The following EYS variants were observed in gnomAD, a reference collection of about 807,000 sequenced individuals.
The protein encoded by EYS is EGF-like photoreceptor maintenance factor.
EYS carries 250 observed loss-of-function variants against 282.1 expected under a neutral mutation model. The ratio of observed to expected loss-of-function variants is 0.89; its 90% CI spans 0.80 to 0.98. The LOEUF (loss-of-function observed/expected upper bound fraction) is 0.98, where lower values mean the gene tolerates loss of function less well. Among genes scored for constraint, EYS ranks in the 50% least tolerant of loss-of-function variants. The pLI, the probability that EYS is intolerant of heterozygous loss-of-function variation, is 0.00. For synonymous variants in EYS, 1,355 were observed against 1,282.9 expected, an observed-to-expected ratio of 1.06 and a Z score of -1.20; for missense variants, 4,016 against 3,709.0, an observed-to-expected ratio of 1.08 and a Z score of -2.15.
intron 26 of EYS, among the ~76,000 whole-genome samples, chr6:64,553,345 A>G (rs1057133848): frequency 1.2e-4 from 19 of 152,158 alleles, no homozygotes. Context: ...TTTTACACTG[A>G]CAGGATTATA....
intron 31 of EYS, among the ~76,000 whole-genome samples, chr6:64,202,207 T>C (rs1179474432): frequency 3.3e-5 from 5 of 152,202 alleles, no homozygotes; most frequent in African/African-American, 1.2e-4. Flanking sequence ...CCTTTGTTGG[T>C]TTCTTTCATA....
chr6:64,758,169 C>A (rs1773019510), intron 22 of EYS, among the ~76,000 whole-genome samples: 1 of 152,050 alleles, frequency 6.6e-6, no homozygotes, highest in African/African-American at 2.4e-5. Flanking sequence ...TTGTTCTTTG[C>A]TCCAACAGTT....
intron 9 of EYS, among the ~76,000 whole-genome samples, chr6:65,349,936 C>G (rs1042547447): frequency 4.0e-5 from 6 of 151,440 alleles, no homozygotes; most frequent in African/African-American, 1.4e-4. Flanking sequence ...TAGTCCAATG[C>G]ATTTTAACAT....
At chr6:64,041,704 T>C (rs1398469488) in intron 33 of EYS, among the ~76,000 whole-genome samples, 2 of 152,204 alleles carry the variant, frequency 1.3e-5, no homozygotes, top group African/African-American at 4.8e-5. Flanking sequence ...TTGGAGAAAC[T>C]GTGACAGAAA....
At chr6:65,008,268 T>C (rs896947427) in intron 13 of EYS, among the ~76,000 whole-genome samples, 17 of 152,244 alleles carry the variant, frequency 1.1e-4, no homozygotes, top group Admixed American at 9.8e-4. Flanking sequence ...AGCATACCTC[T>C]CTCACCTGAT....
rs1175999354 is a variant in EYS, at chr6:64,591,137, C to T, written c.4730G>A (p.Ser1577Asn). 1.3e-6 allele frequency: 2 copies of T among 1,551,286 alleles called. No homozygotes were observed. Among genetic ancestry groups the T allele is most frequent in the Admixed American group, 3.9e-5 (2 of 50,960 alleles). ...TGTCTCATAAAAGTGGGACTGTTTGCTATGCAAAACTTGATCTGAGAATTC... is the reference window on the plus strand; with the variant it reads ...TGTCTCATAAAAGTGGGACTGTTTGTTATGCAAAACTTGATCTGAGAATTC... ...SREFSDQVLHSKQSHFYETFW... is the reference protein window; with the variant it reads ...SREFSDQVLHNKQSHFYETFW... Residue 1577 changes from serine (S) to asparagine (N), a missense_variant, in exon 26 of 43, where the codon AGC becomes AAC. Transcript: ENST00000503581.
chr6:65,336,957 A>G (rs939964667), intron 10 of EYS, among the ~76,000 whole-genome samples: 1 of 151,512 alleles, frequency 6.6e-6, no homozygotes, highest in South Asian at 2.1e-4. Flanking sequence ...AAATGACAAT[A>G]GAATTTTACT....
intron 12 of EYS, among the ~76,000 whole-genome samples, chr6:65,266,579 C>G (rs572920898): frequency 2.4e-4 from 36 of 151,738 alleles, no homozygotes; most frequent in African/African-American, 8.2e-4. Flanking sequence ...GGTGCATAAG[C>G]CTTTTGATGT....
chr6:65,290,299 T>C (rs1161235460), intron 12 of EYS, among the ~76,000 whole-genome samples: 2 of 151,044 alleles, frequency 1.3e-5, no homozygotes, highest in Admixed American at 6.6e-5. Flanking sequence ...AGAATAAATC[T>C]ATGAAAATAA....
intron 26 of EYS, among the ~76,000 whole-genome samples, chr6:64,459,431 A>G (rs1251889182): frequency 1.3e-5 from 2 of 152,194 alleles, no homozygotes; most frequent in Non-Finnish European, 2.9e-5. Flanking sequence ...CTAATGGGAT[A>G]TACTTATATT....
At chr6:64,470,728 G>A (rs1286616421) in intron 26 of EYS, among the ~76,000 whole-genome samples, 4 of 152,048 alleles carry the variant, frequency 2.6e-5, no homozygotes, top group African/African-American at 7.2e-5. Flanking sequence ...AGCTTAAGCA[G>A]AAGAAAAAAT....
At chr6:64,200,434 T>C (rs1217618486) in intron 31 of EYS, among the ~76,000 whole-genome samples, 2 of 152,166 alleles carry the variant, frequency 1.3e-5, no homozygotes, top group East Asian at 1.9e-4. Context: ...TTAGGGTATA[T>C]ATAACTCTGT....
At chr6:65,267,674 C>T (rs1767794393) in intron 12 of EYS, among the ~76,000 whole-genome samples, 1 of 151,968 alleles carries the variant, frequency 6.6e-6, no homozygotes, top group Admixed American at 6.6e-5. Flanking sequence ...AGCGAGAACA[C>T]AGGTTCGTAA....
chr6:64,847,085 C>T (rs1207609560), intron 19 of EYS, among the ~76,000 whole-genome samples: 2 of 152,108 alleles, frequency 1.3e-5, no homozygotes, highest in East Asian at 1.9e-4. Flanking sequence ...TTCTACCTGC[C>T]TGTCTGAAAG....
intron 8 of EYS, among the ~76,000 whole-genome samples, chr6:65,381,305 T>C (rs1765600839): frequency 6.6e-6 from 1 of 152,108 alleles, no homozygotes; most frequent in Non-Finnish European, 1.5e-5. Context: ...AATGAGTTCA[T>C]GTCCTTTGCA....
chr6:64,219,174 C>G (rs1003420502), intron 31 of EYS, among the ~76,000 whole-genome samples: 1 of 152,128 alleles, frequency 6.6e-6, no homozygotes, highest in Non-Finnish European at 1.5e-5. Flanking sequence ...TTCTACTATC[C>G]TGATCTGACC....
intron 29 of EYS, among the ~76,000 whole-genome samples, chr6:64,320,607 C>T (rs558713141): frequency 2.0e-4 from 30 of 151,610 alleles, no homozygotes; most frequent in Non-Finnish European, 3.8e-4. Flanking sequence ...AGTCCTTAGA[C>T]AAATTGATAA....
At chr6:64,019,928 G>A (rs1039438740) in intron 33 of EYS, among the ~76,000 whole-genome samples, 1 of 150,092 alleles carries the variant, frequency 6.7e-6, no homozygotes, top group African/African-American at 2.5e-5. Context: ...TAATCTGAAT[G>A]CTTTGGGTTT....
At chr6:64,967,660 C>G (rs9453137) in intron 14 of EYS, among the ~76,000 whole-genome samples, 2 of 152,082 alleles carry the variant, frequency 1.3e-5, no homozygotes, top group African/African-American at 4.8e-5. Flanking sequence ...ATTCAGTACA[C>G]CATATGCTCC....
Sources: gnomAD v4.1 joint callset for allele counts (sites outside exome capture counted in the v4.1 genomes callset) on GRCh38, gnomAD v4.1.1 for gene constraint, MANE v1.5 for transcripts, NCBI Gene and HGNC (gene_info 2026-07-23, HGNC 2026-07-21) for gene names.